LAMA2: variants seen among roughly 807,000 people sequenced by gnomAD.
LAMA2 encodes laminin subunit alpha 2, also known as laminin subunit alpha-2.
Under a neutral mutation model 364.8 loss-of-function variants are expected in LAMA2, and 269 were observed. That is an observed-to-expected ratio of 0.74 (90% confidence interval 0.67 to 0.82). LAMA2 has a LOEUF of 0.82. LAMA2 is among the 40% of genes least tolerant of loss of function. The pLI, the probability that LAMA2 is intolerant of heterozygous loss-of-function variation, is 0.00. For missense variants in LAMA2, 3,807 were observed against 3,873.2 expected (o/e 0.98, Z 0.45); for synonymous variants, 1,379 against 1,370.6 (o/e 1.01, Z -0.14).
intron 1 of LAMA2, among the ~76,000 whole-genome samples, chr6:128,926,549 T>A (rs1200864603): frequency 6.6e-6 from 1 of 152,234 alleles, no homozygotes; most frequent in Non-Finnish European, 1.5e-5. Context: ...GCTCAAGTGT[T>A]CTGTCTCTTT....
intron 1 of LAMA2, among the ~76,000 whole-genome samples, chr6:129,046,806 T>C (rs1050518571): frequency 1.3e-5 from 2 of 152,162 alleles, no homozygotes; most frequent in Non-Finnish European, 2.9e-5. Context: ...CTCTGCCTGA[T>C]ATGTTTGTTT....
intron 3 of LAMA2, among the ~76,000 whole-genome samples, chr6:129,089,811 C>T (rs916201339): frequency 3.3e-5 from 5 of 152,094 alleles, no homozygotes; most frequent in Admixed American, 6.5e-5. Flanking sequence ...GAGGGAGGAC[C>T]TTATTCATTC....
intron 38 of LAMA2, 32 bp from the exon 39 acceptor site, chr6:129,402,292 T>C (rs1310116954): frequency 6.3e-7 from 1 of 1,588,370 alleles, no homozygotes; most frequent in Non-Finnish European, 8.6e-7. Flanking sequence ...TTGAATTCAC[T>C]TGCTTAAAAT....
intron 40 of LAMA2, among the ~76,000 whole-genome samples, chr6:129,409,746 C>A (rs1057359275): frequency 6.6e-6 from 1 of 152,186 alleles, no homozygotes; most frequent in African/African-American, 2.4e-5. Context: ...GCCATTGACA[C>A]CTCAAGGACT....
intron 9 of LAMA2, among the ~76,000 whole-genome samples, chr6:129,173,466 G>A (rs1179031640): frequency 6.6e-6 from 1 of 152,160 alleles, no homozygotes; most frequent in Non-Finnish European, 1.5e-5. Context: ...TATATAAGAT[G>A]TGATAAAGAC....
chr6:129,269,314 G>A (rs534172540), intron 16 of LAMA2, among the ~76,000 whole-genome samples: 43 of 150,980 alleles, frequency 2.8e-4, no homozygotes, highest in East Asian at 5.8e-4. Context: ...AAGCACTTTC[G>A]TAACAGGACA....
At chr6:129,211,338 A>G (rs1783085564) in intron 12 of LAMA2, among the ~76,000 whole-genome samples, 1 of 152,028 alleles carries the variant, frequency 6.6e-6, no homozygotes, top group South Asian at 2.1e-4. Context: ...TGTTCAAGCT[A>G]CGTAATTTCT....
chr6:129,282,867 C>T (rs1238839616), intron 18 of LAMA2, among the ~76,000 whole-genome samples: 2 of 152,060 alleles, frequency 1.3e-5, no homozygotes, highest in Non-Finnish European at 2.9e-5. Context: ...TTTCAGAGCT[C>T]GGGGTCTGGC....
At chr6:128,988,025 C>T (rs1203131416) in intron 1 of LAMA2, among the ~76,000 whole-genome samples, 1 of 152,048 alleles carries the variant, frequency 6.6e-6, no homozygotes, top group Non-Finnish European at 1.5e-5. Flanking sequence ...GCACCAGGCC[C>T]AGCTAATTTT....
chr6:128,967,746 T>G (rs1343022135), intron 1 of LAMA2, among the ~76,000 whole-genome samples: 1 of 152,146 alleles, frequency 6.6e-6, no homozygotes, highest in African/African-American at 2.4e-5. Context: ...AACACGGATT[T>G]TACTGCTCAG....
intron 29 of LAMA2, among the ~76,000 whole-genome samples, chr6:129,332,524 A>G (rs1429563014): frequency 6.6e-6 from 1 of 152,168 alleles, no homozygotes; most frequent in African/African-American, 2.4e-5. Context: ...AATTTTAATT[A>G]CAATCAAAAT....
At chr6:129,393,865 C>T (rs1766106239) in intron 37 of LAMA2, among the ~76,000 whole-genome samples, 2 of 152,104 alleles carry the variant, frequency 1.3e-5, no homozygotes, top group Admixed American at 6.6e-5. Context: ...TTTCTATGCG[C>T]TGTGTTCTAT....
At chr6:128,928,524 C>T (rs148157089) in intron 1 of LAMA2, among the ~76,000 whole-genome samples, 2 of 152,224 alleles carry the variant, frequency 1.3e-5, no homozygotes, top group African/African-American at 4.8e-5. Flanking sequence ...GCTTAAAGAA[C>T]TTTAAAAAGC....
At position 129,270,762 on chromosome 6, in the gene LAMA2, A is replaced by C. The variant is rs763581536; in HGVS notation, c.2450+11A>C. On this transcript the variant is annotated intron_variant, in intron 17 of 64. Transcript: ENST00000421865. ...TATCCCATCCAATAAGTAAGTAACA[A>C]ACTTACCCCATGAATAAGCTCAGCA... 5.0e-6 allele frequency: 8 copies of C among 1,612,538 alleles called. No homozygotes were observed. In the South Asian group the frequency reaches 8.8e-5, roughly 18 times the overall value.
At chr6:129,020,143 G>A (rs925930462) in intron 1 of LAMA2, among the ~76,000 whole-genome samples, 3 of 150,406 alleles carry the variant, frequency 2.0e-5, no homozygotes, top group Non-Finnish European at 3.0e-5. Flanking sequence ...AGGGCAGGAC[G>A]AAAGGTGATT....
chr6:129,437,170 T>C (rs556542176), intron 41 of LAMA2, among the ~76,000 whole-genome samples: 1 of 152,224 alleles, frequency 6.6e-6, no homozygotes, highest in African/African-American at 2.4e-5. Context: ...GTAGTTAGCA[T>C]TGTTTATGGA....
At chr6:129,226,916 C>A (rs2115115429) in intron 12 of LAMA2, among the ~76,000 whole-genome samples, 1 of 152,278 alleles carries the variant, frequency 6.6e-6, no homozygotes, top group Non-Finnish European at 1.5e-5. Context: ...GGATAATATC[C>A]TGCAGAATGT....
At chr6:129,417,988 AC>A (rs562035130) in intron 40 of LAMA2, among the ~76,000 whole-genome samples, 139 of 152,154 alleles carry the variant, frequency 9.1e-4, no homozygotes, top group African/African-American at 3.1e-3. Context: ...CTGCAGCTGC[AC>A]CCAGTAGGGC....
At chr6:129,018,691 C>G (rs1342816311) in intron 1 of LAMA2, among the ~76,000 whole-genome samples, 1 of 151,966 alleles carries the variant, frequency 6.6e-6, no homozygotes, top group Admixed American at 6.6e-5. Context: ...TTTTTAATAT[C>G]ATCAATTGAC....
Sources: gnomAD v4.1 joint callset for allele counts (sites outside exome capture counted in the v4.1 genomes callset) on GRCh38, gnomAD v4.1.1 for gene constraint, MANE v1.5 for transcripts, NCBI Gene and HGNC (gene_info 2026-07-23, HGNC 2026-07-21) for gene names.